The following GPD1L variants were observed in gnomAD, a reference collection of about 807,000 sequenced individuals.
GPD1L encodes glycerol-3-phosphate dehydrogenase 1-like protein.
In GPD1L, 17 loss-of-function variants were observed where a neutral mutation model predicts 32.9. That is an observed-to-expected ratio of 0.52 (90% CI 0.35 to 0.78). The LOEUF (loss-of-function observed/expected upper bound fraction) is 0.78, where lower values mean the gene tolerates loss of function less well. Ranked by LOEUF, GPD1L falls within the 30% of genes least tolerant of loss-of-function variation. The pLI is 0.01. For synonymous variants in GPD1L, 187 were observed against 165.9 expected (o/e 1.13, Z -0.98); for missense variants, 361 against 447.8 (o/e 0.81, Z 1.75).
chr3:32,140,302 T>C lies in GPD1L; in HGVS notation c.441T>C (p.Ser147=). 1 of 1,613,518 alleles carries C rather than the reference T, an allele frequency of 6.2e-7. No homozygotes were observed. The highest frequency in any genetic ancestry group is 8.5e-7 in the Non-Finnish European group (1 of 1,179,430). The part of the protein sequence containing the change: ...IIREKMGIDI[S]VLMGANIANE... ...GTGAGAAGATGGGTATTGACATCAG[T>C]GTGCTGATGGGAGCCAACATTGCCA... The change falls in exon 4 of 8, where the codon AGT becomes AGC. Residue 147 remains serine (S), a synonymous_variant. Coordinates refer to ENST00000282541, the MANE Select transcript of GPD1L (RefSeq NM_015141.4).
chr3:32,138,526 T>A (rs1415750174), intron 2 of GPD1L, 61 bp from the exon 3 acceptor site: 1 of 1,537,012 alleles, frequency 6.5e-7, no homozygotes, highest in Non-Finnish European at 9.0e-7. Flanking sequence ...GAGTGAAACC[T>A]TGTGGACAGG....
chr3:32,131,226 C>T (rs557455401), intron 2 of GPD1L, among the ~76,000 whole-genome samples: 45 of 152,180 alleles, frequency 3.0e-4, no homozygotes, highest in African/African-American at 1.0e-3. Flanking sequence ...GTTGCCGTTG[C>T]CTCTCATCTC....
chr3:32,127,422 C>G (rs1700526275), intron 1 of GPD1L, among the ~76,000 whole-genome samples: 1 of 152,226 alleles, frequency 6.6e-6, no homozygotes, highest in South Asian at 2.1e-4. Flanking sequence ...ACGTGCAGAC[C>G]TGCACTGCTG....
At chr3:32,118,323 T>C (rs1476771378) in intron 1 of GPD1L, among the ~76,000 whole-genome samples, 1 of 152,242 alleles carries the variant, frequency 6.6e-6, no homozygotes, top group Non-Finnish European at 1.5e-5. Context: ...GATGTATTCA[T>C]GCAACAAATG....
chr3:32,148,661 G>A (rs974176109), intron 5 of GPD1L, among the ~76,000 whole-genome samples: 3 of 152,174 alleles, frequency 2.0e-5, no homozygotes, highest in East Asian at 3.9e-4. Context: ...CACTCGGAGC[G>A]TGAACACGGG....
At chr3:32,109,285 A>T (rs1382394625) in intron 1 of GPD1L, among the ~76,000 whole-genome samples, 3 of 152,192 alleles carry the variant, frequency 2.0e-5, no homozygotes, top group African/African-American at 7.2e-5. Flanking sequence ...CACAGATGAC[A>T]GCCCCTTTTC....
chr3:32,142,873 G>A (rs148836923), intron 4 of GPD1L, among the ~76,000 whole-genome samples: 2 of 152,282 alleles, frequency 1.3e-5, no homozygotes, highest in East Asian at 3.9e-4. Context: ...GTGGGGTGGA[G>A]TGTGATAAGC....
rs984864317 is a variant in GPD1L, at chr3:32,145,302, C to G, written c.506-1320C>G. ...CCACTGCACTCTAGCCTGGGCAACACAGCAACTCTGTCTCATAAATAAATA... is the reference window on the plus strand; with the variant it reads ...CCACTGCACTCTAGCCTGGGCAACAGAGCAACTCTGTCTCATAAATAAATA... On this transcript the variant is annotated intron_variant, in intron 4 of 7. Coordinates refer to ENST00000282541, the MANE Select transcript of GPD1L (RefSeq NM_015141.4). 2.6e-5 allele frequency among the ~76,000 whole-genome samples: 4 copies of G among 151,876 alleles called. No homozygotes were observed. In the East Asian group the frequency reaches 7.9e-4, roughly 30 times the overall value.
chr3:32,112,674 T>C (rs1260974596), intron 1 of GPD1L, among the ~76,000 whole-genome samples: 1 of 152,144 alleles, frequency 6.6e-6, no homozygotes. Flanking sequence ...ACTACTATTC[T>C]AGGAATGAGT....
intron 2 of GPD1L, among the ~76,000 whole-genome samples, chr3:32,131,143 A>G (rs1676628823): frequency 6.6e-6 from 1 of 152,060 alleles, no homozygotes; most frequent in Non-Finnish European, 1.5e-5. Flanking sequence ...AAGGTAGAGG[A>G]TTCTTTTGCT....
At position 32,167,212 on chromosome 3, in the gene GPD1L, G is replaced by C. The variant is rs886058336; in HGVS notation, c.*1302G>C. ...GGTGTTCCCTGGAAAGGTCAAGTGA[G>C]TCTGGGAAACACTATGTCTGTACAC... On this transcript the variant is annotated 3_prime_UTR_variant, in exon 8 of 8. Transcript: ENST00000282541. 6 of 152,204 alleles carry C rather than the reference G, an allele frequency of 3.9e-5. No individual in the cohort carries two copies. The highest frequency in any genetic ancestry group is 1.4e-4 in the African/African-American group (6 of 41,440). The allele number at this position is 152,204 out of a possible 1,614,324, so 9.4% of individuals were successfully genotyped here. A position where few individuals can be genotyped will look rare whatever the true frequency, so the allele number is the denominator to read the frequency against.
intron 5 of GPD1L, chr3:32,151,208 G>A (rs1700915001): frequency 3.3e-6 from 2 of 597,822 alleles, no homozygotes; most frequent in African/African-American, 1.9e-5. Context: ...CTTTCTCTTT[G>A]GCTTCCTTCT....
In GPD1L at chr3:32,146,792, G is replaced by A. The variant is rs565170576; in HGVS notation, c.618+58G>A. The stretch of plus-strand genomic sequence containing the variant: ...GCAAGGCAAATGTTAGCATCATTGA[G>A]TCTAATCCTCAAGAATGGGCTCTGT... On this transcript the variant is annotated intron_variant, in intron 5 of 7. Transcript: ENST00000282541. 56 of 951,926 alleles carry A rather than the reference G, an allele frequency of 5.9e-5. 1 individual carries two copies. The highest frequency in any genetic ancestry group is 3.1e-5 in the Non-Finnish European group (18 of 578,294). The allele number at this position is 951,926 out of a possible 1,614,324, so 59.0% of individuals were successfully genotyped here. A position where few individuals can be genotyped will look rare whatever the true frequency, so the allele number is the denominator to read the frequency against.
At chr3:32,133,104 A>AGT (rs1284772817) in intron 2 of GPD1L, among the ~76,000 whole-genome samples, 3 of 152,134 alleles carry the variant, frequency 2.0e-5, no homozygotes, top group African/African-American at 7.2e-5. Context: ...CCCCCAGATA[A>AGT]TGTAGGTGAG....
At chr3:32,112,930 G>A (rs13061945) in intron 1 of GPD1L, among the ~76,000 whole-genome samples, 1 of 151,986 alleles carries the variant, frequency 6.6e-6, no homozygotes, top group Non-Finnish European at 1.5e-5. Context: ...TCAACAGTTA[G>A]TAGGTGGACT....
rs937355103 is a variant in GPD1L, at chr3:32,166,151, T to C, written c.*241T>C. ...GTTTATTCCTCATTCTGTGGATGTT[T>C]CTATGAGCCAAAATTTGATGTCTTT... On this transcript the variant is annotated 3_prime_UTR_variant, in exon 8 of 8. Transcript: ENST00000282541. 1.3e-5 allele frequency: 7 copies of C among 550,784 alleles called. No homozygotes were observed. In the Admixed American group the frequency reaches 2.0e-4, roughly 16 times the overall value. 34.1% of individuals were successfully genotyped at this position (550,784 alleles called of 1,614,324 possible). A position where few individuals can be genotyped will look rare whatever the true frequency, so the allele number is the denominator to read the frequency against.
chr3:32,167,144 G>C lies in GPD1L; in HGVS notation c.*1234G>C, dbSNP rs542364506. The stretch of plus-strand genomic sequence containing the variant: ...TTTAACTTGGTATTCCTCTAATTGT[G>C]TTCCCTAGGAAATGACTGTCCCAAG... On this transcript the variant is annotated 3_prime_UTR_variant, in exon 8 of 8. Transcript: ENST00000282541. The C allele has an allele frequency of 6.6e-6, 1 of 152,250 alleles. No individual in the cohort carries two copies. Among genetic ancestry groups the C allele is most frequent in the East Asian group, 1.9e-4 (1 of 5,184 alleles). 9.4% of individuals were successfully genotyped at this position (152,250 alleles called of 1,614,324 possible).
intron 4 of GPD1L, among the ~76,000 whole-genome samples, chr3:32,141,074 GTT>G (rs1700735705): frequency 6.6e-6 from 1 of 152,166 alleles, no homozygotes; most frequent in Admixed American, 6.5e-5. Context: ...CTTTGCAAAA[GTT>G]TATCTACCAC....
rs1053382446 is a variant in GPD1L at position 32,128,186 on chromosome 3, C to T, written c.158C>T (p.Thr53Ile). ...GAAACAGTGAATGGCAGAAAACTGA[C>T]AGACATCATAAATAATGACCATGAA... Reference protein sequence around the residue: ...FEETVNGRKLTDIINNDHENV... With the variant: ...FEETVNGRKLIDIINNDHENV... The change falls in exon 2 of 8, where the codon ACA (threonine) becomes ATA (isoleucine). Residue 53 changes from threonine (T) to isoleucine (I), a missense_variant. Coordinates refer to ENST00000282541, the MANE Select transcript of GPD1L (RefSeq NM_015141.4). 5.0e-6 allele frequency: 8 copies of T among 1,612,946 alleles called. No individual in the cohort carries two copies. The South Asian group carries it at 8.8e-5, about 18-fold the overall frequency.
Sources: gnomAD v4.1 joint callset for allele counts (sites outside exome capture counted in the v4.1 genomes callset) on GRCh38, gnomAD v4.1.1 for gene constraint, MANE v1.5 for transcripts, NCBI Gene and HGNC (gene_info 2026-07-23, HGNC 2026-07-21) for gene names.